NELL1: variants seen among roughly 807,000 people sequenced by gnomAD.
NELL1 encodes the protein neural EGFL like 1.
NELL1 carries 76 observed loss-of-function variants against 107.4 expected under a neutral mutation model. The ratio of observed to expected loss-of-function variants is 0.71; its 90% CI spans 0.59 to 0.86. The LOEUF is 0.86. NELL1 is among the 40% of genes least tolerant of loss of function. NELL1 has a pLI of 0.00. For synonymous variants in NELL1, 353 were observed against 341.2 expected, an observed-to-expected ratio of 1.03 and a Z score of -0.38; for missense variants, 1,024 against 1,005.5, an observed-to-expected ratio of 1.02 and a Z score of -0.25.
chr11:21,184,340 C>T (rs1245953494), intron 13 of NELL1, among the ~76,000 whole-genome samples: 1 of 151,804 alleles, frequency 6.6e-6, no homozygotes, highest in African/African-American at 2.4e-5. Flanking sequence ...ACCATCTCAG[C>T]TCACTGCAAC....
chr11:20,903,869 A>G (rs1430111058), intron 5 of NELL1, among the ~76,000 whole-genome samples: 1 of 152,100 alleles, frequency 6.6e-6, no homozygotes, highest in Non-Finnish European at 1.5e-5. Context: ...GTGAATGCTG[A>G]ATCAAGAAAA....
At chr11:21,269,695 A>T (rs1000032626) in intron 14 of NELL1, among the ~76,000 whole-genome samples, 2 of 152,136 alleles carry the variant, frequency 1.3e-5, no homozygotes, top group African/African-American at 4.8e-5. Flanking sequence ...GAAGGTCTTC[A>T]TAGAAGAGGA....
intron 14 of NELL1, among the ~76,000 whole-genome samples, chr11:21,238,969 T>C (rs926757338): frequency 2.6e-5 from 4 of 152,108 alleles, no homozygotes; most frequent in Non-Finnish European, 5.9e-5. Flanking sequence ...CTTAGTTTCT[T>C]TATCTTTAAA....
Position 20,809,292 on chromosome 11 carries a change from G to A in NELL1, c.335+25462G>A, listed in dbSNP as rs115987550. 8.3e-3 allele frequency among the ~76,000 whole-genome samples: 1,258 copies of A among 152,102 alleles called. 15 individuals are homozygous for A. Among genetic ancestry groups the A allele is most frequent in the African/African-American group, 0.029 (1,192 of 41,482 alleles). ...TTTACGGGGTACAATGTGATGTTTC[G>A]ATATATGTATACATTATGTAATTAT... On this transcript the variant is annotated intron_variant, in intron 3 of 19. Transcript: ENST00000357134.
At chr11:21,319,391 T>C (rs942044278) in intron 14 of NELL1, among the ~76,000 whole-genome samples, 1 of 151,014 alleles carries the variant, frequency 6.6e-6, no homozygotes, top group Admixed American at 6.6e-5. Flanking sequence ...GTTTTCACCA[T>C]GTTGGCCAGG....
intron 5 of NELL1, among the ~76,000 whole-genome samples, chr11:20,889,398 C>T (rs1849572254): frequency 6.6e-6 from 1 of 152,094 alleles, no homozygotes. Context: ...GCTTAATTGT[C>T]ATTTGAGAAT....
intron 12 of NELL1, among the ~76,000 whole-genome samples, chr11:21,060,964 T>G (rs1853726704): frequency 6.6e-6 from 1 of 152,198 alleles, no homozygotes; most frequent in Admixed American, 6.5e-5. Context: ...CTTGAACTCC[T>G]GACCCCATGA....
intron 3 of NELL1, among the ~76,000 whole-genome samples, chr11:20,846,172 T>C (rs2134055577): frequency 6.6e-6 from 1 of 152,322 alleles, no homozygotes; most frequent in South Asian, 2.1e-4. Flanking sequence ...TTTATGACCT[T>C]GGGCATGATT....
At chr11:20,816,138 C>T (rs1006674186) in intron 3 of NELL1, among the ~76,000 whole-genome samples, 6 of 151,798 alleles carry the variant, frequency 4.0e-5, no homozygotes, top group African/African-American at 1.5e-4. Context: ...GCTATTTGGG[C>T]CTTTTTGGTT....
intron 12 of NELL1, among the ~76,000 whole-genome samples, chr11:21,019,724 A>G (rs1401309837): frequency 6.6e-6 from 1 of 152,066 alleles, no homozygotes; most frequent in Non-Finnish European, 1.5e-5. Context: ...TGGTTGAGAC[A>G]CAATGATGTA....
chr11:20,784,064 G>C (rs1856905537), intron 3 of NELL1, among the ~76,000 whole-genome samples: 1 of 152,202 alleles, frequency 6.6e-6, no homozygotes, highest in South Asian at 2.1e-4. Context: ...TCTTCTGGTA[G>C]ACTTTGAATA....
chr11:21,157,763 T>C (rs569205224), intron 13 of NELL1, among the ~76,000 whole-genome samples: 47 of 152,328 alleles, frequency 3.1e-4, no homozygotes, highest in African/African-American at 1.1e-3. Context: ...CTTTGGTGAT[T>C]AGTTTAACCT....
intron 2 of NELL1, among the ~76,000 whole-genome samples, chr11:20,702,857 G>T (rs188338346): frequency 1.5e-3 from 225 of 152,306 alleles, no homozygotes; most frequent in African/African-American, 5.1e-3. Flanking sequence ...CAGGGATGAA[G>T]CCCACTTCAT....
chr11:21,047,799 G>C (rs1437499699), intron 12 of NELL1, among the ~76,000 whole-genome samples: 2 of 152,134 alleles, frequency 1.3e-5, no homozygotes, highest in Admixed American at 1.3e-4. Flanking sequence ...CTTCTACTTG[G>C]TTTGTTTCGT....
intron 14 of NELL1, among the ~76,000 whole-genome samples, chr11:21,294,476 G>T (rs755753746): frequency 2.0e-5 from 3 of 151,992 alleles, no homozygotes; most frequent in Admixed American, 6.6e-5. Flanking sequence ...CCTTACATAT[G>T]GTTGGTGCAA....
chr11:20,726,360 G>T (rs1466975861), intron 2 of NELL1, among the ~76,000 whole-genome samples: 1 of 152,028 alleles, frequency 6.6e-6, no homozygotes, highest in East Asian at 1.9e-4. Context: ...ACAACTTGCT[G>T]GGTTTATGCA....
intron 12 of NELL1, among the ~76,000 whole-genome samples, chr11:21,004,791 T>G (rs1296296211): frequency 6.6e-6 from 1 of 152,140 alleles, no homozygotes; most frequent in African/African-American, 2.4e-5. Flanking sequence ...AAAAATCGTG[T>G]GTCCAAAGGA....
intron 12 of NELL1, among the ~76,000 whole-genome samples, chr11:20,970,099 A>T (rs962519309): frequency 9.1e-6 from 1 of 110,112 alleles, no homozygotes; most frequent in Non-Finnish European, 1.8e-5. Flanking sequence ...ATCCATCCGT[A>T]CTCTGAACAT....
chr11:20,821,585 T>C (rs1202786949), intron 3 of NELL1, among the ~76,000 whole-genome samples: 1 of 152,240 alleles, frequency 6.6e-6, no homozygotes, highest in Non-Finnish European at 1.5e-5. Context: ...ATGATTATAA[T>C]ATGTCCAACT....
Sources: gnomAD v4.1 joint callset for allele counts (sites outside exome capture counted in the v4.1 genomes callset) on GRCh38, gnomAD v4.1.1 for gene constraint, MANE v1.5 for transcripts, NCBI Gene and HGNC (gene_info 2026-07-23, HGNC 2026-07-21) for gene names.